Variants in BCAR1 observed in about 807,000 individuals in gnomAD.
BCAR1 encodes the protein breast cancer anti-estrogen resistance protein 1.
BCAR1 carries 30 observed loss-of-function variants against 67.6 expected under a neutral mutation model. The ratio of observed to expected loss-of-function variants is 0.44; its 90% CI spans 0.33 to 0.60. The LOEUF (loss-of-function observed/expected upper bound fraction) is 0.60, where lower values mean the gene tolerates loss of function less well. BCAR1 is among the 20% of genes least tolerant of loss of function. BCAR1 has a pLI of 0.02. For synonymous variants in BCAR1, 626 were observed against 556.7 expected (o/e 1.12, Z -1.75); for missense variants, 1,313 against 1,222.3 (o/e 1.07, Z -1.11).
chr16:75,240,707 G>C (rs960102909), intron 2 of BCAR1, among the ~76,000 whole-genome samples: 1 of 152,236 alleles, frequency 6.6e-6, no homozygotes, highest in Non-Finnish European at 1.5e-5. Context: ...AATCAAGACT[G>C]GGGGAGGTTT....
intron 1 of BCAR1, among the ~76,000 whole-genome samples, chr16:75,244,692 C>T (rs1040660918): frequency 1.3e-5 from 2 of 152,142 alleles, no homozygotes; most frequent in Non-Finnish European, 2.9e-5. Context: ...GTGTGGAGAG[C>T]CAGGAGGAGC....
upstream of BCAR1, among the ~76,000 whole-genome samples, chr16:75,252,909 G>A (rs925816756): frequency 2.0e-5 from 3 of 152,178 alleles, no homozygotes; most frequent in African/African-American, 7.2e-5. Flanking sequence ...GTGCTCTGGG[G>A]AGCTAGTTAA....
At chr16:75,236,669 G>T (rs569845477) in intron 4 of BCAR1, 2 of 959,192 alleles carry the variant, frequency 2.1e-6, no homozygotes, top group East Asian at 3.0e-5. Context: ...CATGGAGAAG[G>T]CCTCGCAACA....
At chr16:75,231,950 C>A (rs754258005) in intron 6 of BCAR1, among the ~76,000 whole-genome samples, 2 of 152,194 alleles carry the variant, frequency 1.3e-5, no homozygotes, top group Non-Finnish European at 2.9e-5. Flanking sequence ...GGTGCGATCT[C>A]GGCTCACCGC....
intron 1 of BCAR1, chr16:75,264,783 G>A (rs1567627944): frequency 3.7e-6 from 2 of 547,848 alleles, no homozygotes; most frequent in Non-Finnish European, 5.1e-6. Context: ...GGGGTCCTCC[G>A]GGTGAGGAGC....
rs1256195643 is a variant in BCAR1, at chr16:75,237,442, G to A, written c.634-98C>T. On this transcript the variant is annotated intron_variant, in intron 2 of 6. Coordinates refer to ENST00000162330, the MANE Select transcript of BCAR1 (RefSeq NM_014567.5). ...CCACGTCCTTTTAGGAGGTGGGCAG[G>A]GCACACCAGGTGGAAGGGACGGGGC... 3.0e-6 allele frequency: 4 copies of A among 1,344,256 alleles called. No homozygotes were observed. The African/African-American group carries it at 6.1e-5, about 21-fold the overall frequency. The allele number at this position is 1,344,256 out of a possible 1,614,324, so 83.3% of individuals were successfully genotyped here. A position where few individuals can be genotyped will look rare whatever the true frequency, so the allele number is the denominator to read the frequency against.
At position 75,230,027 on chromosome 16, in the gene BCAR1, G is replaced by C. The variant is rs757625164; in HGVS notation, c.2101-4C>G. On this transcript the variant is annotated splice_region_variant and splice_polypyrimidine_tract_variant and intron_variant, in intron 6 of 6. Coordinates refer to ENST00000162330, the MANE Select transcript of BCAR1 (RefSeq NM_014567.5). Reference sequence around the variant, plus strand: ...CCAGTCGTTCAAACTGCTTCAGCTGGGGCAGGAGGGAAGCAGGAGCAGGGT... The same window carrying C: ...CCAGTCGTTCAAACTGCTTCAGCTGCGGCAGGAGGGAAGCAGGAGCAGGGT... The C allele has an allele frequency of 6.6e-6, 10 of 1,525,676 alleles. No individual in the cohort carries two copies. The highest frequency in any genetic ancestry group is 8.8e-6 in the Non-Finnish European group (10 of 1,135,546). 94.5% of individuals were successfully genotyped at this position (1,525,676 alleles called of 1,614,324 possible). A position where few individuals can be genotyped will look rare whatever the true frequency, so the allele number is the denominator to read the frequency against.
upstream of BCAR1, chr16:75,252,530 G>GC (rs1472137382): frequency 1.0e-6 from 1 of 952,894 alleles, no homozygotes; most frequent in Non-Finnish European, 1.5e-6. Context: ...GAACCAGGGT[G>GC]CCAGAGCCCC....
At chr16:75,231,172 C>G (rs940284606) in intron 6 of BCAR1, among the ~76,000 whole-genome samples, 1 of 151,146 alleles carries the variant, frequency 6.6e-6, no homozygotes, top group Non-Finnish European at 1.5e-5. Flanking sequence ...TCTCGGCTCG[C>G]TGCAACCTCT....
At chr16:75,252,362 C>T, upstream of BCAR1, 1 of 1,523,738 alleles carries the variant, frequency 6.6e-7, no homozygotes, top group Non-Finnish European at 8.8e-7. Context: ...CCTGCTCCAA[C>T]TCATCTGCTT....
chr16:75,243,029 C>A lies in BCAR1; in HGVS notation c.74G>T (p.Arg25Leu). Residue 25 changes from arginine to leucine, a missense_variant, in exon 2 of 7, where the codon CGC becomes CTC. This residue lies in a region of BCAR1 where 41 missense variants were observed against 84.8 expected (regional missense o/e 0.48). Transcript: ENST00000162330. ...VAESPDELSF[R>L]KGDIMTVLEQ... is the part of the protein sequence containing the mutation. ...CAGCACCGTCATGATGTCACCCTTG[C>A]GGAAGGAGAGCTCATCCGGGGACTC... 3 of 1,610,822 alleles carry A rather than the reference C, an allele frequency of 1.9e-6. No homozygotes were observed. The highest frequency in any genetic ancestry group is 2.2e-5 in the South Asian group (2 of 90,914).
At chr16:75,238,980 C>A in intron 2 of BCAR1, 3 of 985,406 alleles carry the variant, frequency 3.0e-6, no homozygotes, top group Non-Finnish European at 3.6e-6. Context: ...CTGCCGGTGG[C>A]CATCCCAACC....
chr16:75,230,223 C>T (rs1597150084), intron 6 of BCAR1, among the ~76,000 whole-genome samples, 200 bp from the exon 7 acceptor site: 1 of 152,182 alleles, frequency 6.6e-6, no homozygotes, highest in African/African-American at 2.4e-5. Flanking sequence ...GTTCAGTTAC[C>T]CTTCCACCAG....
At chr16:75,243,960 G>C (rs912664621) in intron 1 of BCAR1, among the ~76,000 whole-genome samples, 1 of 152,234 alleles carries the variant, frequency 6.6e-6, no homozygotes, top group African/African-American at 2.4e-5. Context: ...GGGTGTGGGC[G>C]GTTGCAGCAA....
At chr16:75,264,559 C>G (rs929781468) in intron 1 of BCAR1, 80 of 1,365,488 alleles carry the variant, frequency 5.9e-5, no homozygotes, top group Non-Finnish European at 7.1e-5. Flanking sequence ...GAACGGATGG[C>G]GGGGCTCACA....
rs79704652 is a variant in BCAR1, at chr16:75,235,197, C to T, written c.1702G>A (p.Gly568Ser). 2.8e-3 allele frequency: 4,496 copies of T among 1,608,104 alleles called. 116 individuals are homozygous for T. The African/African-American group carries it at 0.053, about 19-fold the overall frequency. ...HGQALDAGRG[G>S]SGATLEDLDR... ...AGGTCCTCAAGGGTGGCTCCAGAGCCTCCCCGGCCAGCGTCGAGGGCCTGA... is the reference window on the plus strand; with the variant it reads ...AGGTCCTCAAGGGTGGCTCCAGAGCTTCCCCGGCCAGCGTCGAGGGCCTGA... Residue 568 changes from glycine to serine, a missense_variant, in exon 5 of 7, where the codon GGC becomes AGC. By Grantham distance (56) the Gly-to-Ser change is moderately conservative. Coordinates refer to ENST00000162330, the MANE Select transcript of BCAR1 (RefSeq NM_014567.5).
At position 75,229,474 on chromosome 16, in the gene BCAR1, G is replaced by A. The variant is rs1295501474; in HGVS notation, c.*37C>T. 39 of 1,487,938 alleles carry A rather than the reference G, an allele frequency of 2.6e-5. No homozygotes were observed. Among genetic ancestry groups the A allele is most frequent in the East Asian group, 1.7e-4 (7 of 41,010 alleles). 92.2% of individuals were successfully genotyped at this position (1,487,938 alleles called of 1,614,324 possible). On this transcript the variant is annotated 3_prime_UTR_variant, in exon 7 of 7. Coordinates refer to ENST00000162330, the MANE Select transcript of BCAR1 (RefSeq NM_014567.5). ...TGGGAGCCAGGGAGCTGGGACCGCCGCACCCCTCCCCTGCCTCCCTCCTGG... is the reference window on the plus strand; with the variant it reads ...TGGGAGCCAGGGAGCTGGGACCGCCACACCCCTCCCCTGCCTCCCTCCTGG...
upstream of BCAR1, among the ~76,000 whole-genome samples, chr16:75,253,992 G>T (rs2077730263): frequency 6.6e-6 from 1 of 150,766 alleles, no homozygotes; most frequent in East Asian, 1.9e-4. Context: ...TTTGAGATGG[G>T]GTTTCACCAT....
chr16:75,262,936 G>A (rs1370287984), intron 1 of BCAR1, among the ~76,000 whole-genome samples: 2 of 152,196 alleles, frequency 1.3e-5, no homozygotes, highest in African/African-American at 4.8e-5. Flanking sequence ...CGCTCAACAG[G>A]CTGCAGCCCC....
Sources: allele counts gnomAD v4.1 joint callset (sites outside exome capture counted in the v4.1 genomes callset), GRCh38; gene constraint gnomAD v4.1.1; regional missense constraint gnomAD v4.1.1; transcripts MANE v1.5; gene names NCBI Gene and HGNC (gene_info 2026-07-23, HGNC 2026-07-21).